The following TTC23 variants were observed in gnomAD, a reference collection of about 807,000 sequenced individuals.
TTC23 encodes tetratricopeptide repeat protein 23.
A neutral mutation model predicts 55.1 loss-of-function variants in TTC23; 58 were observed. The ratio of observed to expected loss-of-function variants is 1.05; its 90% confidence interval spans 0.85 to 1.31. The LOEUF (loss-of-function observed/expected upper bound fraction) is 1.31. Among genes scored for constraint, TTC23 ranks in the 50% most tolerant of loss-of-function variants. The probability of loss-of-function intolerance (pLI) is 0.00; values close to 1 mark genes in which losing one functional copy is unlikely to be tolerated. For missense variants in TTC23, 516 were observed against 534.4 expected (o/e 0.97, Z 0.34); for synonymous variants, 203 against 199.9 (o/e 1.02, Z -0.13).
chr15:99,174,968 C>T, intron 10 of TTC23, 82 bp downstream of exon 10: 1 of 1,217,076 alleles, frequency 8.2e-7, no homozygotes. Flanking sequence ...GCGGCTCTGT[C>T]CACCTGTTAA....
intron 9 of TTC23, among the ~76,000 whole-genome samples, chr15:99,189,455 G>T (rs2075036845): frequency 6.6e-6 from 1 of 152,126 alleles, no homozygotes; most frequent in African/African-American, 2.4e-5. Flanking sequence ...CTTTAAAGAT[G>T]CTTATTAGCT....
chr15:99,246,755 C>T (rs2152106828), intron 1 of TTC23, among the ~76,000 whole-genome samples: 1 of 151,894 alleles, frequency 6.6e-6, no homozygotes, highest in Non-Finnish European at 1.5e-5. Context: ...CCCGTCTCTA[C>T]TAAAAATACA....
chr15:99,160,861 A>C (rs1188817393), intron 11 of TTC23: 2 of 151,998 alleles, frequency 1.3e-5, no homozygotes, highest in Non-Finnish European at 2.9e-5. Flanking sequence ...AAAATACAAA[A>C]AAATTAGCTG....
At chr15:99,145,266 G>A (rs1555492551) in intron 12 of TTC23, 3 of 152,224 alleles carry the variant, frequency 2.0e-5, no homozygotes, top group African/African-American at 7.2e-5. Flanking sequence ...CTTCGGGGAT[G>A]GAGTGGAGAA....
chr15:99,159,395 T>A (rs2071047891), intron 11 of TTC23: 1 of 152,226 alleles, frequency 6.6e-6, no homozygotes, highest in Non-Finnish European at 1.5e-5. Context: ...AATATCCACA[T>A]GAATATATAC....
At chr15:99,245,050 T>G (rs1017201650) in intron 2 of TTC23, among the ~76,000 whole-genome samples, 1 of 152,172 alleles carries the variant, frequency 6.6e-6, no homozygotes, top group Non-Finnish European at 1.5e-5. Flanking sequence ...TGTCAAGTGA[T>G]GAATGTGTGA....
At position 99,188,609 on chromosome 15, in the gene TTC23, G is replaced by A. The variant is rs1157023101; in HGVS notation, c.759+11310C>T. On this transcript the variant is annotated intron_variant, in intron 9 of 13. Coordinates refer to ENST00000394132, the MANE Select transcript of TTC23 (RefSeq NM_001288615.3). ...AGGATTTCTAGCAGTTAAGAAAACT[G>A]GACCAAAGCTTCATTTAAAAATGGT... Among the ~76,000 whole-genome samples, 5 of 151,980 alleles carry A rather than the reference G, an allele frequency of 3.3e-5. 1 individual carries two copies. Among genetic ancestry groups the A allele is most frequent in the African/African-American group, 1.2e-4 (5 of 41,516 alleles).
intron 9 of TTC23, among the ~76,000 whole-genome samples, chr15:99,179,339 G>A (rs1176703720): frequency 6.6e-6 from 1 of 151,968 alleles, no homozygotes; most frequent in South Asian, 2.1e-4. Context: ...CTACTCCACC[G>A]CCCCCTGACA....
intron 10 of TTC23, among the ~76,000 whole-genome samples, chr15:99,165,269 G>A (rs1016493343): frequency 1.3e-5 from 2 of 152,212 alleles, no homozygotes; most frequent in East Asian, 1.9e-4. Context: ...AGACACAGAA[G>A]TCTAGCATCC....
intron 8 of TTC23, among the ~76,000 whole-genome samples, chr15:99,207,857 C>G (rs913595235): frequency 1.3e-5 from 2 of 152,200 alleles, no homozygotes; most frequent in South Asian, 2.1e-4. Context: ...AGAATTTACA[C>G]ACCCTGCTGG....
At chr15:99,165,725 C>T (rs1164403774) in intron 10 of TTC23, among the ~76,000 whole-genome samples, 1 of 53,718 alleles carries the variant, frequency 1.9e-5, no homozygotes, top group Non-Finnish European at 3.5e-5. Flanking sequence ...ACCTCTCTTC[C>T]TCATAGCTGC....
intron 9 of TTC23, among the ~76,000 whole-genome samples, chr15:99,195,803 T>A (rs545433924): frequency 6.6e-6 from 1 of 150,948 alleles, no homozygotes; most frequent in South Asian, 2.1e-4. Context: ...AGGCTATGCA[T>A]GGTGGGGGGC....
At chr15:99,139,421 T>A (rs1567301963) in intron 12 of TTC23, 22 bp from the exon 13 acceptor site, 2 of 1,614,068 alleles carry the variant, frequency 1.2e-6, no homozygotes, top group Non-Finnish European at 1.7e-6. Context: ...CAAGCAGCTA[T>A]CATGAGGCTA....
At chr15:99,197,182 A>G (rs1203385249) in intron 9 of TTC23, among the ~76,000 whole-genome samples, 1 of 151,658 alleles carries the variant, frequency 6.6e-6, no homozygotes, top group African/African-American at 2.4e-5. Context: ...AGCTCACTGC[A>G]AGCTCCGCCT....
At chr15:99,220,215 C>T (rs954592434) in intron 6 of TTC23, among the ~76,000 whole-genome samples, 2 of 152,208 alleles carry the variant, frequency 1.3e-5, no homozygotes, top group African/African-American at 4.8e-5. Context: ...TCAGCTTTCT[C>T]AGCTGTAAAC....
chr15:99,159,133 C>G (rs1211525426), intron 11 of TTC23: 1 of 152,300 alleles, frequency 6.6e-6, no homozygotes, highest in Non-Finnish European at 1.5e-5. Context: ...ATCTTTTGAT[C>G]AACACTGATC....
chr15:99,170,854 G>C (rs2072829081), intron 10 of TTC23, among the ~76,000 whole-genome samples: 1 of 152,228 alleles, frequency 6.6e-6, no homozygotes, highest in Non-Finnish European at 1.5e-5. Flanking sequence ...TGCTTCTAGA[G>C]GGAAGCTGAT....
At chr15:99,157,154 T>C (rs1044144359) in intron 11 of TTC23, 2 of 141,506 alleles carry the variant, frequency 1.4e-5, no homozygotes, top group Non-Finnish European at 3.0e-5. Context: ...TTTTTTTAAA[T>C]CCGTCTCACC....
At chr15:99,155,870 G>A (rs997427639) in intron 12 of TTC23, 7 of 476,326 alleles carry the variant, frequency 1.5e-5, no homozygotes, top group Admixed American at 7.1e-5. Context: ...AGAGAGCACC[G>A]CAAACATAAA....
Sources: gnomAD v4.1 joint callset for allele counts (sites outside exome capture counted in the v4.1 genomes callset) on GRCh38, gnomAD v4.1.1 for gene constraint, MANE v1.5 for transcripts, NCBI Gene and HGNC (gene_info 2026-07-23, HGNC 2026-07-21) for gene names.